CSMD1: variants seen among roughly 807,000 people sequenced by gnomAD.
CSMD1 encodes the protein CUB and sushi domain-containing protein 1.
Under a neutral mutation model 417.5 loss-of-function variants are expected in CSMD1, and 213 were observed. The observed-to-expected ratio is 0.51, with a 90% CI of 0.46 to 0.57. The LOEUF is 0.57. CSMD1 is among the 20% of genes least tolerant of loss of function. The pLI is 0.00. For missense variants in CSMD1, 6,923 were observed against 4,529.7 expected (o/e 1.53, Z -15.17); for synonymous variants, 2,862 against 1,736.8 (o/e 1.65, Z -16.11).
chr8:2,951,279 T>C lies in CSMD1; in HGVS notation c.10040-4A>G, dbSNP rs762140377. On this transcript the variant is annotated splice_region_variant and splice_polypyrimidine_tract_variant and intron_variant, in intron 65 of 69. Coordinates refer to ENST00000635120, the MANE Select transcript of CSMD1 (RefSeq NM_033225.6). ...ACGAAAAAGACATCTGAAGGAACTG[T>C]GGGAAGGGGGGAAACAGACCAATGT... 3 of 1,598,702 alleles carry C rather than the reference T, an allele frequency of 1.9e-6. No homozygotes were observed. The highest frequency in any genetic ancestry group is 1.7e-6 in the Non-Finnish European group (2 of 1,172,024).
At chr8:3,059,679 G>C (rs1812461287) in intron 49 of CSMD1, among the ~76,000 whole-genome samples, 1 of 152,254 alleles carries the variant, frequency 6.6e-6, no homozygotes, top group Middle Eastern at 3.4e-3. Context: ...TCCTGAGTGG[G>C]GCAGACGTAG....
chr8:3,535,680 A>T (rs1390547903), intron 10 of CSMD1, among the ~76,000 whole-genome samples: 1 of 152,246 alleles, frequency 6.6e-6, no homozygotes. Context: ...TGCATGTAAC[A>T]AAATTGCACT....
intron 1 of CSMD1, among the ~76,000 whole-genome samples, chr8:4,942,053 T>A (rs5004552): frequency 0.98 from 149,320 of 152,346 alleles, 73,224 homozygotes; most frequent in East Asian, 1. Flanking sequence ...TGTCTGGCTC[T>A]TCTACTTTAA....
chr8:4,941,661 C>T (rs943740040), intron 1 of CSMD1, among the ~76,000 whole-genome samples: 2 of 151,752 alleles, frequency 1.3e-5, no homozygotes, highest in African/African-American at 2.4e-5. Context: ...TACAGTACCA[C>T]AATCACAGCT....
intron 2 of CSMD1, among the ~76,000 whole-genome samples, chr8:4,613,045 G>C (rs925305321): frequency 6.6e-6 from 1 of 152,112 alleles, no homozygotes; most frequent in Non-Finnish European, 1.5e-5. Flanking sequence ...AGAGGAACTT[G>C]TTTTGCATTT....
At chr8:3,508,456 T>C (rs369448155) in intron 10 of CSMD1, among the ~76,000 whole-genome samples, 2 of 151,762 alleles carry the variant, frequency 1.3e-5, no homozygotes, top group South Asian at 2.1e-4. Context: ...TGTATACATA[T>C]GTAACAAACC....
At chr8:4,941,018 G>A (rs1159844899) in intron 1 of CSMD1, among the ~76,000 whole-genome samples, 1 of 151,568 alleles carries the variant, frequency 6.6e-6, no homozygotes, top group African/African-American at 2.4e-5. Flanking sequence ...TTTTGAGAGA[G>A]GAACAATCTA....
At chr8:4,490,926 G>T (rs1452298779) in intron 2 of CSMD1, among the ~76,000 whole-genome samples, 1 of 152,214 alleles carries the variant, frequency 6.6e-6, no homozygotes, top group East Asian at 1.9e-4. Context: ...TCACAGGAGT[G>T]GATAAGGGAG....
chr8:3,821,861 G>C (rs189379790), intron 5 of CSMD1, among the ~76,000 whole-genome samples: 4 of 152,296 alleles, frequency 2.6e-5, no homozygotes, highest in East Asian at 3.9e-4. Flanking sequence ...AGGAATATGG[G>C]AAAGTCACAC....
At chr8:3,917,462 T>C (rs1188742417) in intron 5 of CSMD1, among the ~76,000 whole-genome samples, 2 of 152,086 alleles carry the variant, frequency 1.3e-5, no homozygotes, top group Non-Finnish European at 2.9e-5. Context: ...CACAAATATG[T>C]TTCCTGCTAC....
At position 4,056,472 on chromosome 8, in the gene CSMD1, G is replaced by C. The variant is rs184444022; in HGVS notation, c.416-24373C>G. Among the ~76,000 whole-genome samples, 316 of 151,232 alleles carry C rather than the reference G, an allele frequency of 2.1e-3. 1 individual carries two copies. Among genetic ancestry groups the C allele is most frequent in the African/African-American group, 7.3e-3 (300 of 41,132 alleles). ...TTTATGATATTAAAATACACAAATAGTTTCCGGGGCTGAGAGTCCTGAAAA... is the reference window on the plus strand; with the variant it reads ...TTTATGATATTAAAATACACAAATACTTTCCGGGGCTGAGAGTCCTGAAAA... On this transcript the variant is annotated intron_variant, in intron 3 of 69. Coordinates refer to ENST00000635120, the MANE Select transcript of CSMD1 (RefSeq NM_033225.6).
chr8:4,637,684 G>A, intron 1 of CSMD1, 126 bp from the exon 2 acceptor site: 1 of 452,044 alleles, frequency 2.2e-6, no homozygotes, highest in Non-Finnish European at 3.6e-6. Context: ...TTTTTTTTGA[G>A]ACGGAGTCTC....
At chr8:4,431,850 A>G (rs922568576) in intron 2 of CSMD1, among the ~76,000 whole-genome samples, 5 of 152,134 alleles carry the variant, frequency 3.3e-5, no homozygotes, top group African/African-American at 1.2e-4. Context: ...ATGTGGGCCT[A>G]TTTTCTTGGT....
chr8:4,117,117 T>C (rs1327814506), intron 3 of CSMD1, among the ~76,000 whole-genome samples: 1 of 151,926 alleles, frequency 6.6e-6, no homozygotes, highest in Admixed American at 6.6e-5. Flanking sequence ...TGTTTTTTCT[T>C]GCTGCCACAT....
intron 55 of CSMD1, among the ~76,000 whole-genome samples, chr8:2,976,032 G>T (rs776843718): frequency 6.6e-5 from 10 of 152,168 alleles, no homozygotes; most frequent in Admixed American, 2.6e-4. Flanking sequence ...TGAAAGCAAG[G>T]AAGATGAGAA....
intron 10 of CSMD1, among the ~76,000 whole-genome samples, chr8:3,527,629 G>C (rs1457260191): frequency 6.6e-6 from 1 of 152,066 alleles, no homozygotes; most frequent in Non-Finnish European, 1.5e-5. Flanking sequence ...CATGAATCTG[G>C]TGAAATCTCA....
chr8:4,833,193 C>A (rs1800255219), intron 1 of CSMD1, among the ~76,000 whole-genome samples: 1 of 152,132 alleles, frequency 6.6e-6, no homozygotes, highest in South Asian at 2.1e-4. Flanking sequence ...CTATGTGAGA[C>A]TGGGTAATTT....
intron 3 of CSMD1, among the ~76,000 whole-genome samples, chr8:4,312,045 T>G (rs1798613322): frequency 6.6e-6 from 1 of 152,172 alleles, no homozygotes; most frequent in Admixed American, 6.6e-5. Flanking sequence ...GAAATCATTG[T>G]CATTTCTAGC....
chr8:3,330,522 A>C (rs1806823948), intron 23 of CSMD1, among the ~76,000 whole-genome samples: 1 of 152,104 alleles, frequency 6.6e-6, no homozygotes, highest in Admixed American at 6.5e-5. Context: ...GCGTGATCTC[A>C]CTTCTAAGCA....
Sources: allele counts gnomAD v4.1 joint callset (sites outside exome capture counted in the v4.1 genomes callset), GRCh38; gene constraint gnomAD v4.1.1; transcripts MANE v1.5; gene names NCBI Gene and HGNC (gene_info 2026-07-23, HGNC 2026-07-21).